The following CORO2A variants were observed in gnomAD, a reference collection of about 807,000 sequenced individuals.
CORO2A encodes the protein coronin 2A, also known as coronin-2A.
CORO2A carries 47 observed loss-of-function variants against 62.4 expected under a neutral mutation model. The ratio of observed to expected loss-of-function variants is 0.75; its 90% CI spans 0.60 to 0.96. The LOEUF (loss-of-function observed/expected upper bound fraction) is 0.96. Ranked by LOEUF, CORO2A falls within the 40% of genes least tolerant of loss-of-function variation. CORO2A has a pLI of 0.00. For synonymous variants in CORO2A, 273 were observed against 268.9 expected (o/e 1.02, Z -0.15); for missense variants, 610 against 684.1 (o/e 0.89, Z 1.21).
intron 1 of CORO2A, among the ~76,000 whole-genome samples, chr9:98,185,476 G>A (rs1288379488): frequency 6.6e-6 from 1 of 152,226 alleles, no homozygotes; most frequent in Non-Finnish European, 1.5e-5. Context: ...CTTCTTCAGA[G>A]GCCTGGGTTC....
intron 3 of CORO2A, 89 bp downstream of exon 3, chr9:98,137,483 C>T: frequency 9.7e-7 from 1 of 1,033,664 alleles, no homozygotes; most frequent in South Asian, 1.3e-5. Flanking sequence ...GAGTCAGGGG[C>T]ACCAGAGCCA....
chr9:98,137,833 T>C (rs950648810), intron 2 of CORO2A, 145 bp from the exon 3 acceptor site: 4 of 658,524 alleles, frequency 6.1e-6, no homozygotes, highest in African/African-American at 5.4e-5. Context: ...TCTTATTCCC[T>C]GTGGGATCCT....
chr9:98,164,440 G>T (rs753830165), intron 1 of CORO2A, among the ~76,000 whole-genome samples: 1 of 152,158 alleles, frequency 6.6e-6, no homozygotes, highest in South Asian at 2.1e-4. Flanking sequence ...CACCCATTGC[G>T]AGTGGGATAT....
intron 1 of CORO2A, among the ~76,000 whole-genome samples, chr9:98,160,757 G>A (rs1456011051): frequency 2.6e-5 from 4 of 151,742 alleles, no homozygotes; most frequent in Admixed American, 6.6e-5. Flanking sequence ...AGCTGGTGAT[G>A]CTCACCAGAC....
chr9:98,142,866 G>GCTGCCCTGCGCTGCCCTGCC (rs1161944022), intron 2 of CORO2A, among the ~76,000 whole-genome samples: 10 of 93,902 alleles, frequency 1.1e-4, no homozygotes, highest in African/African-American at 4.7e-4. Flanking sequence ...GCTGCCCTGC[G>GCTGCCCTGCGCTGCCCTGCC]CTGCCCTGCG....
chr9:98,176,362 C>T (rs939512419), intron 1 of CORO2A, among the ~76,000 whole-genome samples: 3 of 152,344 alleles, frequency 2.0e-5, no homozygotes, highest in Admixed American at 1.3e-4. Context: ...CAGCACCCCA[C>T]GTAAACAGTC....
At chr9:98,177,437 A>G (rs1434359838) in intron 1 of CORO2A, among the ~76,000 whole-genome samples, 1 of 146,742 alleles carries the variant, frequency 6.8e-6, no homozygotes, top group Non-Finnish European at 1.5e-5. Context: ...AGGAGGTTAG[A>G]GCAATGGGCT....
intron 11 of CORO2A, among the ~76,000 whole-genome samples, chr9:98,126,196 C>T (rs748113571): frequency 2.6e-4 from 40 of 151,802 alleles, no homozygotes; most frequent in African/African-American, 2.2e-4. Context: ...CCACCACACC[C>T]GGCTAATTTT....
chr9:98,174,512 A>T (rs990117082), intron 1 of CORO2A, among the ~76,000 whole-genome samples: 2 of 152,168 alleles, frequency 1.3e-5, no homozygotes, highest in Non-Finnish European at 2.9e-5. Flanking sequence ...AGTGATGGTG[A>T]TATGGTTTGG....
At chr9:98,176,198 G>A (rs956717604) in intron 1 of CORO2A, among the ~76,000 whole-genome samples, 1 of 152,184 alleles carries the variant, frequency 6.6e-6, no homozygotes, top group Non-Finnish European at 1.5e-5. Flanking sequence ...AGCAGAGAAA[G>A]CCTTGTGCCC....
At position 98,148,898 on chromosome 9, in the gene CORO2A, G is replaced by A. The variant is rs142537222; in HGVS notation, c.201+8562C>T. Among the ~76,000 whole-genome samples the A allele has an allele frequency of 5.3e-5, 8 of 152,264 alleles. No individual in the cohort carries two copies. The East Asian group carries it at 1.2e-3, about 22-fold the overall frequency. ...GAGTAAAAAAAGCCAAGCTGAAAAGGTTACATATTGTATGATTCCATTTAT... is the reference window on the plus strand; with the variant it reads ...GAGTAAAAAAAGCCAAGCTGAAAAGATTACATATTGTATGATTCCATTTAT... On this transcript the variant is annotated intron_variant, in intron 2 of 11. Transcript: ENST00000375077.
Position 98,123,375 on chromosome 9 carries a change from TAGC to T in CORO2A, c.*1396_*1398del, listed in dbSNP as rs1459298712. ...AACTTCTAAAAAAATTTTTTTTTCC[TAGC>T]AGAATTGTTTTTCATACTAGCCCAA... On this transcript the variant is annotated 3_prime_UTR_variant, in exon 12 of 12. Coordinates refer to ENST00000375077, the MANE Select transcript of CORO2A (RefSeq NM_052820.4). The T allele has an allele frequency of 3.9e-5, 6 of 152,208 alleles. No homozygotes were observed. In the East Asian group the frequency reaches 9.6e-4, roughly 24 times the overall value. The allele number at this position is 152,208 out of a possible 1,614,324, so 9.4% of individuals were successfully genotyped here.
intron 2 of CORO2A, among the ~76,000 whole-genome samples, chr9:98,142,659 A>ACACCTCC (rs896687966): frequency 1.7e-4 from 26 of 152,116 alleles, no homozygotes; most frequent in African/African-American, 5.6e-4. Context: ...ATTCAGACAC[A>ACACCTCC]CACCTCCCAC....
At chr9:98,157,200 G>A in intron 2 of CORO2A, among the ~76,000 whole-genome samples, 1 of 152,136 alleles carries the variant, frequency 6.6e-6, no homozygotes, top group East Asian at 1.9e-4. Context: ...TATTCAGGAG[G>A]AAATAAATTC....
chr9:98,180,334 C>A (rs953022756), intron 1 of CORO2A, among the ~76,000 whole-genome samples: 2 of 152,116 alleles, frequency 1.3e-5, no homozygotes, highest in African/African-American at 4.8e-5. Flanking sequence ...TGCTACAAGG[C>A]TCAGCTTAGA....
intron 1 of CORO2A, among the ~76,000 whole-genome samples, chr9:98,185,064 A>G (rs891199292): frequency 6.6e-6 from 1 of 152,254 alleles, no homozygotes; most frequent in Non-Finnish European, 1.5e-5. Flanking sequence ...GACTGACCCA[A>G]TATCTTCCCT....
At chr9:98,169,210 G>C (rs1255743341) in intron 1 of CORO2A, among the ~76,000 whole-genome samples, 4 of 151,758 alleles carry the variant, frequency 2.6e-5, no homozygotes, top group Non-Finnish European at 4.4e-5. Context: ...CCCCGCCCCC[G>C]CGCCGCCCAT....
At chr9:98,132,710 T>C (rs1350409111) in intron 5 of CORO2A, among the ~76,000 whole-genome samples, 2 of 152,158 alleles carry the variant, frequency 1.3e-5, no homozygotes, top group Non-Finnish European at 2.9e-5. Flanking sequence ...GGCTGCACAG[T>C]GGCTAAACAG....
intron 1 of CORO2A, among the ~76,000 whole-genome samples, chr9:98,158,131 T>C (rs1827832335): frequency 6.6e-6 from 1 of 152,150 alleles, no homozygotes; most frequent in South Asian, 2.1e-4. Flanking sequence ...AGTTTCTCCA[T>C]CTGTAAAATG....
Sources: allele counts gnomAD v4.1 joint callset (sites outside exome capture counted in the v4.1 genomes callset), GRCh38; gene constraint gnomAD v4.1.1; transcripts MANE v1.5; gene names NCBI Gene and HGNC (gene_info 2026-07-23, HGNC 2026-07-21).